FOCAD: variants seen among roughly 807,000 people sequenced by gnomAD.
FOCAD encodes KIAA1797.
Under a neutral mutation model 225.6 loss-of-function variants are expected in FOCAD, and 198 were observed. The observed-to-expected ratio is 0.88, with a 90% CI of 0.78 to 0.99. The LOEUF is 0.99. Ranked by LOEUF, FOCAD falls within the 50% of genes least tolerant of loss-of-function variation. The probability of loss-of-function intolerance (pLI) is 0.00; values close to 1 mark genes in which losing one functional copy is unlikely to be tolerated. For synonymous variants in FOCAD, 897 were observed against 755.0 expected (o/e 1.19, Z -3.08); for missense variants, 2,713 against 2,123.6 (o/e 1.28, Z -5.46).
intron 4 of FOCAD, among the ~76,000 whole-genome samples, chr9:20,734,449 T>A (rs960487276): frequency 1.3e-5 from 2 of 152,256 alleles, no homozygotes; most frequent in Non-Finnish European, 2.9e-5. Flanking sequence ...AAATGTATTT[T>A]GTTTTTAAAC....
chr9:20,789,680 T>C (rs1482474100), intron 11 of FOCAD, 72 bp downstream of exon 11: 1 of 1,558,018 alleles, frequency 6.4e-7, no homozygotes, highest in East Asian at 2.3e-5. Flanking sequence ...TATTCCTGCT[T>C]TGTGGATTAT....
chr9:20,990,041 C>A, intron 41 of FOCAD, 82 bp from the exon 42 acceptor site: 1 of 1,541,394 alleles, frequency 6.5e-7, no homozygotes, highest in Non-Finnish European at 8.9e-7. Flanking sequence ...CATTGCCTCA[C>A]GACAGGGGCT....
chr9:20,806,095 C>A (rs1171690889), intron 11 of FOCAD, among the ~76,000 whole-genome samples: 1 of 152,168 alleles, frequency 6.6e-6, no homozygotes. Flanking sequence ...CTGGACCACT[C>A]TTGCCATGTC....
intron 2 of FOCAD, among the ~76,000 whole-genome samples, chr9:20,672,824 G>C (rs1822112842): frequency 6.6e-6 from 1 of 152,210 alleles, no homozygotes; most frequent in South Asian, 2.1e-4. Context: ...TTATTGTTTA[G>C]CTGGTTAAAC....
At chr9:20,844,727 A>G (rs550188300) in intron 15 of FOCAD, among the ~76,000 whole-genome samples, 24 of 152,178 alleles carry the variant, frequency 1.6e-4, no homozygotes, top group Admixed American at 1.4e-3. Flanking sequence ...GCAGAGATCG[A>G]AGTCACTTTG....
At chr9:20,824,346 G>A (rs1824651567) in intron 15 of FOCAD, among the ~76,000 whole-genome samples, 1 of 152,052 alleles carries the variant, frequency 6.6e-6, no homozygotes, top group South Asian at 2.1e-4. Flanking sequence ...CATTTTTACT[G>A]TTTTGTTGTA....
intron 11 of FOCAD, among the ~76,000 whole-genome samples, chr9:20,808,439 G>A (rs958385943): frequency 6.6e-6 from 1 of 152,190 alleles, no homozygotes; most frequent in African/African-American, 2.4e-5. Flanking sequence ...AAGTATACTG[G>A]AATAAAGGTG....
chr9:20,799,260 C>A (rs1821503801), intron 11 of FOCAD, among the ~76,000 whole-genome samples: 1 of 152,194 alleles, frequency 6.6e-6, no homozygotes, highest in Admixed American at 6.5e-5. Context: ...GAGTGCTTTA[C>A]TTCCAAGTAT....
rs753565329 is a variant in FOCAD at position 20,929,365 on chromosome 9, A to T, written c.3086A>T (p.Tyr1029Phe). 1.9e-6 allele frequency: 3 copies of T among 1,613,776 alleles called. No homozygotes were observed. Among genetic ancestry groups the T allele is most frequent in the Non-Finnish European group, 2.5e-6 (3 of 1,179,864 alleles). The change falls in exon 27 of 44, where the codon TAT (tyrosine) becomes TTT (phenylalanine). Residue 1029 changes from tyrosine to phenylalanine, a missense_variant. Transcript: ENST00000338382. ...QLLSWFYYKS[Y>F]SGENTASAIA... is the part of the protein sequence containing the mutation. The stretch of plus-strand genomic sequence containing the variant: ...TTCTTTGGCATGTCCTAGAAGTCCT[A>T]TTCTGGTGAAAACACAGCTAGTGCC...
intron 19 of FOCAD, 133 bp from the exon 20 acceptor site, chr9:20,881,738 A>G: frequency 1.2e-6 from 1 of 806,628 alleles, no homozygotes; most frequent in Non-Finnish European, 2.0e-6. Context: ...ATAGGTATCA[A>G]GAGGTCTCTT....
chr9:20,814,371 T>C (rs79472084), intron 11 of FOCAD, among the ~76,000 whole-genome samples: 1 of 152,026 alleles, frequency 6.6e-6, no homozygotes, highest in African/African-American at 2.4e-5. Context: ...CTTTTTTTTT[T>C]CTGAGATGAA....
At chr9:20,823,803 TTGATAA>T (rs1824586005) in intron 15 of FOCAD, among the ~76,000 whole-genome samples, 1 of 152,140 alleles carries the variant, frequency 6.6e-6, no homozygotes, top group Non-Finnish European at 1.5e-5. Flanking sequence ...TCAGTTATGG[TTGATAA>T]TGATAGTAAT....
intron 34 of FOCAD, 67 bp from the exon 35 acceptor site, chr9:20,952,918 T>C: frequency 8.1e-7 from 1 of 1,236,296 alleles, no homozygotes; most frequent in Middle Eastern, 1.9e-4. Context: ...CAGCATGAGA[T>C]CATTATCTTT....
intron 2 of FOCAD, among the ~76,000 whole-genome samples, chr9:20,659,440 A>AGAAAGAAAGAAAGAAAGAAAGAC (rs147459649): frequency 0.017 from 2,478 of 145,152 alleles, 36 homozygotes; most frequent in Middle Eastern, 0.097. Flanking sequence ...GAAAGAAAGA[A>AGAAAGAAAGAAAGAAAGAAAGAC]AGACAGACAG....
intron 1 of FOCAD, among the ~76,000 whole-genome samples, chr9:20,708,316 T>C (rs1420099634): frequency 6.6e-6 from 1 of 152,180 alleles, no homozygotes; most frequent in Non-Finnish European, 1.5e-5. Flanking sequence ...ATTCCATAAC[T>C]GATAATTGGA....
At chr9:20,823,169 A>C (rs1824513201) in intron 15 of FOCAD, 54 bp downstream of exon 15, 1 of 1,549,460 alleles carries the variant, frequency 6.5e-7, no homozygotes, top group South Asian at 1.2e-5. Flanking sequence ...TTTATAAGGC[A>C]GAGTGGGTAC....
chr9:20,826,680 G>A (rs1329617614), intron 15 of FOCAD, among the ~76,000 whole-genome samples: 1 of 152,082 alleles, frequency 6.6e-6, no homozygotes, highest in African/African-American at 2.4e-5. Flanking sequence ...TATAGGGGTT[G>A]TAGGACTTCA....
chr9:20,964,333 G>C (rs903533676), intron 35 of FOCAD, among the ~76,000 whole-genome samples: 2 of 152,056 alleles, frequency 1.3e-5, no homozygotes, highest in African/African-American at 4.8e-5. Context: ...GCACTTACTT[G>C]CAGTGAACCA....
intron 18 of FOCAD, 106 bp from the exon 19 acceptor site, chr9:20,874,575 G>A (rs1308724357): frequency 8.8e-7 from 1 of 1,133,150 alleles, no homozygotes; most frequent in African/African-American, 1.6e-5. Flanking sequence ...TAGAGTGATG[G>A]AGTCTAACAA....
Sources: gnomAD v4.1 joint callset for allele counts (sites outside exome capture counted in the v4.1 genomes callset) on GRCh38, gnomAD v4.1.1 for gene constraint, MANE v1.5 for transcripts, NCBI Gene and HGNC (gene_info 2026-07-23, HGNC 2026-07-21) for gene names.